The following TNFRSF21 variants were observed in gnomAD, a reference collection of about 807,000 sequenced individuals.
TNFRSF21 encodes the protein tumor necrosis factor receptor superfamily member 21.
Under a neutral mutation model 45.6 loss-of-function variants are expected in TNFRSF21, and 19 were observed. The observed-to-expected ratio is 0.42, with a 90% CI of 0.29 to 0.61. The LOEUF (loss-of-function observed/expected upper bound fraction) is 0.61. TNFRSF21 is among the 20% of genes least tolerant of loss of function. The probability of loss-of-function intolerance (pLI) is 0.23; values close to 1 mark genes in which losing one functional copy is unlikely to be tolerated. For synonymous variants in TNFRSF21, 314 were observed against 335.5 expected (o/e 0.94, Z 0.70); for missense variants, 737 against 851.5 (o/e 0.87, Z 1.67).
intron 3 of TNFRSF21, among the ~76,000 whole-genome samples, chr6:47,276,805 T>C (rs1352268569): frequency 2.6e-5 from 4 of 152,248 alleles, no homozygotes; most frequent in Non-Finnish European, 4.4e-5. Context: ...TATCCAAGTC[T>C]AAAGCCACTG....
chr6:47,294,138 TTTTTG>T (rs749335487), intron 1 of TNFRSF21, among the ~76,000 whole-genome samples: 5 of 152,156 alleles, frequency 3.3e-5, no homozygotes, highest in Admixed American at 6.5e-5. Context: ...GTGCACAGGT[TTTTTG>T]TTTTGTTTTG....
chr6:47,279,202 T>C (rs967176166), intron 3 of TNFRSF21, among the ~76,000 whole-genome samples: 1 of 152,162 alleles, frequency 6.6e-6, no homozygotes. Flanking sequence ...CAAGACTTCC[T>C]ACTTTTTGCA....
intron 3 of TNFRSF21, among the ~76,000 whole-genome samples, chr6:47,262,943 CA>C (rs1403571248): frequency 1.3e-5 from 2 of 152,166 alleles, no homozygotes; most frequent in Non-Finnish European, 2.9e-5. Flanking sequence ...TACATTTAAA[CA>C]GTATCATTCC....
intron 4 of TNFRSF21, among the ~76,000 whole-genome samples, chr6:47,241,481 A>ATT (rs143145661): frequency 2.0e-5 from 3 of 151,176 alleles, no homozygotes; most frequent in African/African-American, 2.4e-5. Context: ...AATGTACCCA[A>ATT]TTTTTTTTTT....
At chr6:47,275,830 A>G (rs887622776) in intron 3 of TNFRSF21, among the ~76,000 whole-genome samples, 1 of 152,098 alleles carries the variant, frequency 6.6e-6, no homozygotes, top group African/African-American at 2.4e-5. Context: ...TGAGCACACA[A>G]TCCTTCAGTG....
intron 3 of TNFRSF21, among the ~76,000 whole-genome samples, chr6:47,254,465 C>T (rs548136396): frequency 1.6e-4 from 24 of 152,286 alleles, no homozygotes; most frequent in African/African-American, 5.5e-4. Flanking sequence ...GACTACTGTA[C>T]TAAATACAAT....
chr6:47,303,725 G>A (rs1222858582), intron 1 of TNFRSF21, among the ~76,000 whole-genome samples: 3 of 152,218 alleles, frequency 2.0e-5, no homozygotes, highest in African/African-American at 7.2e-5. Context: ...TTGGATTCAG[G>A]CTAGAAATGA....
At chr6:47,257,273 A>T (rs894953698) in intron 3 of TNFRSF21, among the ~76,000 whole-genome samples, 4 of 152,172 alleles carry the variant, frequency 2.6e-5, no homozygotes, top group Admixed American at 6.5e-5. Flanking sequence ...ATTTCCCTAA[A>T]CTAAAATGGA....
intron 3 of TNFRSF21, among the ~76,000 whole-genome samples, chr6:47,282,858 A>C (rs1762589681): frequency 6.6e-6 from 1 of 152,148 alleles, no homozygotes; most frequent in East Asian, 1.9e-4. Flanking sequence ...ACCATAATTT[A>C]CTTAGTTTTT....
intron 3 of TNFRSF21, among the ~76,000 whole-genome samples, chr6:47,273,117 C>T (rs1274256649): frequency 6.6e-6 from 1 of 152,158 alleles, no homozygotes; most frequent in African/African-American, 2.4e-5. Context: ...CCTTCTGAAA[C>T]TATTCCAATC....
rs192349757 is a variant in TNFRSF21 at position 47,268,682 on chromosome 6, T to C, written c.1244-15161A>G. On this transcript the variant is annotated intron_variant, in intron 3 of 5. Transcript: ENST00000296861. The stretch of plus-strand genomic sequence containing the variant: ...CAAGTAAAAGATACTCATAAAAAGG[T>C]AGACACATACCGCTTCCCCTTCTGT... Among the ~76,000 whole-genome samples, 12 of 152,250 alleles carry C rather than the reference T, an allele frequency of 7.9e-5. No individual in the cohort carries two copies. In the East Asian group the frequency reaches 1.7e-3, roughly 22 times the overall value.
rs1359476858 is a variant in TNFRSF21, at chr6:47,232,633, AC to A, written c.*131del. On this transcript the variant is annotated 3_prime_UTR_variant, in exon 6 of 6. Coordinates refer to ENST00000296861, the MANE Select transcript of TNFRSF21 (RefSeq NM_014452.5). ...GCCATATTCTCTGTTAAACACACAC[AC>A]ACACACACACACACACACACACACA... The A allele has an allele frequency of 5.8e-6, 4 of 695,516 alleles. No homozygotes were observed. The highest frequency in any genetic ancestry group is 2.7e-5 in the Admixed American group (1 of 37,404). 43.1% of individuals were successfully genotyped at this position (695,516 alleles called of 1,614,324 possible). A position where few individuals can be genotyped will look rare whatever the true frequency, so the allele number is the denominator to read the frequency against.
chr6:47,256,855 T>G (rs1206294754), intron 3 of TNFRSF21, among the ~76,000 whole-genome samples: 2 of 152,218 alleles, frequency 1.3e-5, no homozygotes, highest in Admixed American at 6.5e-5. Context: ...GTGTCTTACA[T>G]GAAAACATGA....
intron 4 of TNFRSF21, among the ~76,000 whole-genome samples, chr6:47,243,572 C>G (rs1453339175): frequency 6.6e-6 from 1 of 152,130 alleles, no homozygotes; most frequent in East Asian, 1.9e-4. Context: ...CATGCACCAC[C>G]AGGCCCAGAT....
chr6:47,245,852 G>A (rs1044349892), intron 4 of TNFRSF21, among the ~76,000 whole-genome samples: 1 of 152,178 alleles, frequency 6.6e-6, no homozygotes, highest in Non-Finnish European at 1.5e-5. Context: ...GCATGACTGG[G>A]GAGGCTTCAG....
rs186555891 is a variant in TNFRSF21 at position 47,288,755 on chromosome 6, T to C, written c.97-2160A>G. 3.3e-4 allele frequency among the ~76,000 whole-genome samples: 50 copies of C among 152,382 alleles called. 2 individuals carry two copies. Among genetic ancestry groups the C allele is most frequent in the Admixed American group, 3.3e-3 (50 of 15,308 alleles). On this transcript the variant is annotated intron_variant, in intron 1 of 5. Coordinates refer to ENST00000296861, the MANE Select transcript of TNFRSF21 (RefSeq NM_014452.5). ...TTGGCATTACCTGACAGTCATGGCC[T>C]GATTTTTTCAGACGCTTTGCCTACA...
chr6:47,245,870 A>G lies in TNFRSF21; in HGVS notation c.1509+7386T>C, dbSNP rs75991849. ...TGACTGGGGAGGCTTCAGGAAACTT[A>G]TAATCATGGCAGAAGGCAAAGGGGA... On this transcript the variant is annotated intron_variant, in intron 4 of 5. Coordinates refer to ENST00000296861, the MANE Select transcript of TNFRSF21 (RefSeq NM_014452.5). 1.7e-4 allele frequency among the ~76,000 whole-genome samples: 26 copies of G among 151,962 alleles called. No individual in the cohort carries two copies. In the East Asian group the frequency reaches 4.6e-3, roughly 27 times the overall value.
chr6:47,279,437 CTGTT>C (rs1445074156), intron 3 of TNFRSF21, among the ~76,000 whole-genome samples: 1 of 152,162 alleles, frequency 6.6e-6, no homozygotes, highest in Non-Finnish European at 1.5e-5. Flanking sequence ...AACAAAGTGG[CTGTT>C]TGCAGATCAT....
chr6:47,309,122 C>T (rs1166829923), intron 1 of TNFRSF21, among the ~76,000 whole-genome samples: 1 of 152,122 alleles, frequency 6.6e-6, no homozygotes, highest in Non-Finnish European at 1.5e-5. Flanking sequence ...GAAAAGCCCT[C>T]AAATGCGCAG....
Sources: gnomAD v4.1 joint callset for allele counts (sites outside exome capture counted in the v4.1 genomes callset) on GRCh38, gnomAD v4.1.1 for gene constraint, MANE v1.5 for transcripts, NCBI Gene and HGNC (gene_info 2026-07-23, HGNC 2026-07-21) for gene names.